The following GPHN variants were observed in gnomAD, a reference collection of about 807,000 sequenced individuals.
The protein encoded by GPHN is gephyrin.
GPHN carries 17 observed loss-of-function variants against 95.5 expected under a neutral mutation model. The ratio of observed to expected loss-of-function variants is 0.18; its 90% CI spans 0.12 to 0.27. The LOEUF (loss-of-function observed/expected upper bound fraction) is 0.27, where lower values mean the gene tolerates loss of function less well. Ranked by LOEUF, GPHN falls within the 10% of genes least tolerant of loss-of-function variation. The pLI is 1.00. For synonymous variants in GPHN, 320 were observed against 322.5 expected, an observed-to-expected ratio of 0.99 and a Z score of 0.08; for missense variants, 660 against 978.1, an observed-to-expected ratio of 0.67 and a Z score of 4.34.
At chr14:66,551,728 G>A (rs776050236) in intron 1 of GPHN, among the ~76,000 whole-genome samples, 4 of 152,152 alleles carry the variant, frequency 2.6e-5, no homozygotes, top group South Asian at 4.1e-4. Flanking sequence ...CAGTCATGGC[G>A]GAAGATGAAG....
At chr14:67,564,499 C>T in the GPHN span, among the ~76,000 whole-genome samples, 1 of 152,046 alleles carries the variant, frequency 6.6e-6, no homozygotes, top group African/African-American at 2.4e-5. Flanking sequence ...ACTCTGTCGC[C>T]CAGGCTGGAG....
In GPHN at chr14:66,552,693, A is replaced by G. The variant is rs1594934729; in HGVS notation, c.64+44102A>G. ...TCTGAAGGATATTTATTATTGATGAATATAAAATTCTAGGTCGATAGCCTT... is the reference window on the plus strand; with the variant it reads ...TCTGAAGGATATTTATTATTGATGAGTATAAAATTCTAGGTCGATAGCCTT... On this transcript the variant is annotated intron_variant, in intron 1 of 22. Coordinates refer to ENST00000478722, the MANE Select transcript of GPHN (RefSeq NM_020806.5). Among the ~76,000 whole-genome samples the G allele has an allele frequency of 5.3e-5, 8 of 152,250 alleles. 1 individual carries two copies. Among genetic ancestry groups the G allele is most frequent in the Admixed American group, 5.2e-4 (8 of 15,292 alleles).
At chr14:67,672,775 C>A in the GPHN span, among the ~76,000 whole-genome samples, 1 of 152,116 alleles carries the variant, frequency 6.6e-6, no homozygotes, top group African/African-American at 2.4e-5. Flanking sequence ...TAAATCAGAT[C>A]CCACAATGCT....
At chr14:67,617,296 GTTTT>G in the GPHN span, 1 of 151,830 alleles carries the variant, frequency 6.6e-6, no homozygotes, top group Admixed American at 6.6e-5. Context: ...TTTTGTTTTT[GTTTT>G]TTTAAGACTA....
At chr14:67,031,512 A>G (rs1222916769) in intron 10 of GPHN, among the ~76,000 whole-genome samples, 1 of 152,050 alleles carries the variant, frequency 6.6e-6, no homozygotes, top group Non-Finnish European at 1.5e-5. Flanking sequence ...TATAAGCACT[A>G]TTTTTCTCGA....
intron 17 of GPHN, among the ~76,000 whole-genome samples, chr14:67,134,953 C>CT (rs57933607): frequency 0.063 from 2,867 of 45,184 alleles, 716 homozygotes; most frequent in African/African-American, 0.13. Flanking sequence ...TTTCTTTCTT[C>CT]TTTTTTTTTT....
At chr14:67,497,481 C>G in the GPHN span, among the ~76,000 whole-genome samples, 1 of 152,148 alleles carries the variant, frequency 6.6e-6, no homozygotes, top group East Asian at 1.9e-4. Flanking sequence ...GCCACAGATA[C>G]TTACAAGTGG....
the GPHN span, among the ~76,000 whole-genome samples, chr14:67,457,929 G>A: frequency 6.6e-6 from 1 of 152,232 alleles, no homozygotes; most frequent in African/African-American, 2.4e-5. Flanking sequence ...AGCTGGCGGG[G>A]GATGAGGACA....
chr14:67,650,647 A>G, the GPHN span: 1 of 1,444,000 alleles, frequency 6.9e-7, no homozygotes, highest in South Asian at 1.1e-5. Context: ...TCCCTGTCCC[A>G]GTGGGATGAC....
chr14:67,196,896 A>T, the GPHN span: 1 of 152,152 alleles, frequency 6.6e-6, no homozygotes, highest in Non-Finnish European at 1.5e-5. Flanking sequence ...TAAGGTTTAG[A>T]ATTGAAATTA....
At position 67,180,994 on chromosome 14, in the gene GPHN, G is replaced by A. The variant is rs2083299789; in HGVS notation, c.*57G>A. ...GTCCACATATCATTGACTGTATCCT[G>A]TAATATGCAACGGCACAGCTAGTTT... On this transcript the variant is annotated 3_prime_UTR_variant, in exon 23 of 23. Coordinates refer to ENST00000478722, the MANE Select transcript of GPHN (RefSeq NM_020806.5). 4.5e-6 allele frequency: 7 copies of A among 1,563,482 alleles called. No individual in the cohort carries two copies. In the South Asian group the frequency reaches 7.8e-5, roughly 17 times the overall value.
At chr14:66,572,071 C>T (rs1051158962) in intron 1 of GPHN, among the ~76,000 whole-genome samples, 2 of 152,096 alleles carry the variant, frequency 1.3e-5, no homozygotes, top group Admixed American at 6.5e-5. Flanking sequence ...TGTCAAAAAT[C>T]GGTTGACTTA....
chr14:66,508,282 T>A lies in GPHN; in HGVS notation c.-246T>A, dbSNP rs2057868353. 2 of 579,214 alleles carry A rather than the reference T, an allele frequency of 3.5e-6. No individual in the cohort carries two copies. The highest frequency in any genetic ancestry group is 3.0e-5 in the Admixed American group (1 of 33,026). 35.9% of individuals were successfully genotyped at this position (579,214 alleles called of 1,614,324 possible). On this transcript the variant is annotated 5_prime_UTR_variant, in exon 1 of 23. Transcript: ENST00000478722. Reference sequence around the variant, plus strand: ...ACCGCGCCCCCCAAGCTTGCCTCCTTCTTGCCGGACTTGGGGCCGCGCGCC... The same window carrying A: ...ACCGCGCCCCCCAAGCTTGCCTCCTACTTGCCGGACTTGGGGCCGCGCGCC...
At chr14:67,395,217 T>C in the GPHN span, among the ~76,000 whole-genome samples, 1 of 151,780 alleles carries the variant, frequency 6.6e-6, no homozygotes, top group African/African-American at 2.4e-5. Context: ...GGCAGGTAGG[T>C]AGGGCCACTC....
intron 8 of GPHN, among the ~76,000 whole-genome samples, chr14:66,951,549 T>G (rs978481205): frequency 3.6e-4 from 54 of 149,116 alleles, no homozygotes; most frequent in African/African-American, 1.3e-3. Flanking sequence ...ATAAAGAAAC[T>G]TGCAAGCTGC....
chr14:66,978,487 G>T (rs2070412959), intron 9 of GPHN, among the ~76,000 whole-genome samples: 1 of 152,090 alleles, frequency 6.6e-6, no homozygotes, highest in African/African-American at 2.4e-5. Flanking sequence ...TCATCTCAAG[G>T]AACTCCTTTC....
the GPHN span, among the ~76,000 whole-genome samples, chr14:67,370,253 C>T: frequency 1.3e-5 from 2 of 152,144 alleles, no homozygotes; most frequent in African/African-American, 4.8e-5. Flanking sequence ...ATGGACATGT[C>T]GCAGTGCTGC....
the GPHN span, among the ~76,000 whole-genome samples, chr14:67,399,771 C>G: frequency 1.3e-5 from 2 of 152,152 alleles, no homozygotes; most frequent in South Asian, 2.1e-4. Flanking sequence ...TTAGGTGGCT[C>G]TCAAGTGGGT....
intron 9 of GPHN, among the ~76,000 whole-genome samples, chr14:67,017,817 T>A (rs1236592857): frequency 3.9e-5 from 6 of 152,126 alleles, no homozygotes; most frequent in Admixed American, 3.9e-4. Flanking sequence ...TCTCATATTA[T>A]CTGTCAATAC....
Sources: gnomAD v4.1 joint callset for allele counts (sites outside exome capture counted in the v4.1 genomes callset) on GRCh38, gnomAD v4.1.1 for gene constraint, MANE v1.5 for transcripts, NCBI Gene and HGNC (gene_info 2026-07-23, HGNC 2026-07-21) for gene names.